The following RFTN1 variants were observed in gnomAD, a reference collection of about 807,000 sequenced individuals.
The protein encoded by RFTN1 is raftlin, lipid raft linker 1.
RFTN1 carries 26 observed loss-of-function variants against 46.5 expected under a neutral mutation model. That is an observed-to-expected ratio of 0.56 (90% CI 0.41 to 0.78). The LOEUF (loss-of-function observed/expected upper bound fraction) is 0.78, where lower values mean the gene tolerates loss of function less well. Ranked by LOEUF, RFTN1 falls within the 30% of genes least tolerant of loss-of-function variation. RFTN1 has a pLI of 0.00. For synonymous variants in RFTN1, 261 were observed against 284.2 expected (o/e 0.92, Z 0.82); for missense variants, 693 against 718.7 (o/e 0.96, Z 0.41).
At chr3:16,464,161 T>C (rs2076051566) in intron 2 of RFTN1, among the ~76,000 whole-genome samples, 1 of 152,220 alleles carries the variant, frequency 6.6e-6, no homozygotes. Flanking sequence ...TGTGCATTTC[T>C]GGCTCCTCAA....
intron 3 of RFTN1, chr3:16,416,291 C>T: frequency 2.3e-6 from 1 of 431,942 alleles, no homozygotes; most frequent in South Asian, 1.7e-5. Context: ...TGCACATAAA[C>T]AGAGTGGTTC....
intron 1 of RFTN1, among the ~76,000 whole-genome samples, chr3:16,511,503 T>C (rs1030163053): frequency 6.6e-6 from 1 of 152,130 alleles, no homozygotes; most frequent in African/African-American, 2.4e-5. Context: ...TGTGTATATT[T>C]AGGGGGTCAC....
rs904618279 is a variant in RFTN1 at position 16,500,673 on chromosome 3, G to T, written c.-8-6796C>A. ...ATGGTGATCTTCTGGAAAAAATTTT[G>T]GCTGAATCAAACCTTAAGTGGGATG... On this transcript the variant is annotated intron_variant, in intron 1 of 9. Coordinates refer to ENST00000334133, the MANE Select transcript of RFTN1 (RefSeq NM_015150.2). The surrounding 1 kb of genome is among the most constrained non-coding windows in gnomAD (Gnocchi z 5.9). 1.3e-5 allele frequency among the ~76,000 whole-genome samples: 2 copies of T among 152,192 alleles called. No homozygotes were observed. Among genetic ancestry groups the T allele is most frequent in the Non-Finnish European group, 2.9e-5 (2 of 68,024 alleles).
chr3:16,481,400 T>C lies in RFTN1; in HGVS notation c.145+12325A>G, dbSNP rs2076365129. Among the ~76,000 whole-genome samples, 1 of 152,210 alleles carries C rather than the reference T, an allele frequency of 6.6e-6. No individual in the cohort carries two copies. The highest frequency in any genetic ancestry group is 2.1e-4 in the South Asian group (1 of 4,830). ...TGTTTTATGGGAACCGATTTCCTTA[T>C]TACTCTTTGCATCTTCTGTTTAAAA... On this transcript the variant is annotated intron_variant, in intron 2 of 9. Transcript: ENST00000334133. This position sits in a 1 kb window ranked among gnomAD's most constrained non-coding sequence, Gnocchi z 5.1.
chr3:16,357,133 A>AAAAAC (rs2072499660), intron 7 of RFTN1, among the ~76,000 whole-genome samples: 5 of 139,478 alleles, frequency 3.6e-5, no homozygotes, highest in African/African-American at 1.5e-4. Context: ...AAAAAACAAA[A>AAAAAC]AAACAAACAA....
intron 2 of RFTN1, among the ~76,000 whole-genome samples, chr3:16,461,805 A>T (rs1175934373): frequency 1.3e-5 from 2 of 152,238 alleles, no homozygotes; most frequent in East Asian, 3.8e-4. Flanking sequence ...CACACACCTT[A>T]AACCATCAGC....
rs1226041849 is a variant in RFTN1, at chr3:16,422,182, A to G, written c.332+11669T>C. On this transcript the variant is annotated intron_variant, in intron 3 of 9. Transcript: ENST00000334133. This position sits in a 1 kb window ranked among gnomAD's most constrained non-coding sequence, Gnocchi z 4.6. ...AAATTTACCTCCAATAATAATATTG[A>G]ACATTATGTTCTTGAAAACACAAGG... Among the ~76,000 whole-genome samples, 1 of 152,254 alleles carries G rather than the reference A, an allele frequency of 6.6e-6. No individual in the cohort carries two copies. Among genetic ancestry groups the G allele is most frequent in the Non-Finnish European group, 1.5e-5 (1 of 68,048 alleles).
At chr3:16,332,832 G>A (rs77503351) in intron 7 of RFTN1, among the ~76,000 whole-genome samples, 3 of 121,414 alleles carry the variant, frequency 2.5e-5, no homozygotes, top group Non-Finnish European at 5.3e-5. Flanking sequence ...TGTGGGCATC[G>A]ATTTATCTAC....
In RFTN1 at chr3:16,384,253, C is replaced by T. The variant is rs746871614; in HGVS notation, c.442-6151G>A. Among the ~76,000 whole-genome samples the T allele has an allele frequency of 5.3e-5, 8 of 152,206 alleles. No individual in the cohort carries two copies. The highest frequency in any genetic ancestry group is 2.6e-4 in the Admixed American group (4 of 15,284). On this transcript the variant is annotated intron_variant, in intron 4 of 9. Coordinates refer to ENST00000334133, the MANE Select transcript of RFTN1 (RefSeq NM_015150.2). This position sits in a 1 kb window ranked among gnomAD's most constrained non-coding sequence, Gnocchi z 4.7. ...TGCAGATGTCAGACTTGTTGGCCCC[C>T]ACTATCACATGAGCCAGTTCCTTAA...
rs780296139 is a variant in RFTN1 at position 16,337,529 on chromosome 3, G to C, written c.1147-10653C>G. ...GAGGCAGAGGTGGGTGGATCATGAG[G>C]TCAGGAGATCGAGACCACCCTGGCC... is the stretch of plus-strand genomic sequence containing the variant. On this transcript the variant is annotated intron_variant, in intron 7 of 9. Coordinates refer to ENST00000334133, the MANE Select transcript of RFTN1 (RefSeq NM_015150.2). This position sits in a 1 kb window ranked among gnomAD's most constrained non-coding sequence, Gnocchi z 5.0. Among the ~76,000 whole-genome samples, 6 of 152,034 alleles carry C rather than the reference G, an allele frequency of 3.9e-5. No individual in the cohort carries two copies. Among genetic ancestry groups the C allele is most frequent in the Non-Finnish European group, 7.4e-5 (5 of 68,020 alleles).
chr3:16,418,088 T>C lies in RFTN1; in HGVS notation c.333-8605A>G, dbSNP rs557678682. Reference sequence around the variant, plus strand: ...CCTTTCCTAAGACATTAAAATAGCATTGTTGTAACAAGTACTGCTAACACT... The same window carrying C: ...CCTTTCCTAAGACATTAAAATAGCACTGTTGTAACAAGTACTGCTAACACT... On this transcript the variant is annotated intron_variant, in intron 3 of 9. Coordinates refer to ENST00000334133, the MANE Select transcript of RFTN1 (RefSeq NM_015150.2). This position sits in a 1 kb window ranked among gnomAD's most constrained non-coding sequence, Gnocchi z 5.0. Among the ~76,000 whole-genome samples the C allele has an allele frequency of 2.4e-4, 36 of 152,298 alleles. No individual in the cohort carries two copies. The highest frequency in any genetic ancestry group is 8.4e-4 in the African/African-American group (35 of 41,554).
rs190468004 is a variant in RFTN1 at position 16,378,819 on chromosome 3, A to G, written c.442-717T>C. ...GGTCCACACCATCAGCAGCGAGGTG[A>G]TGGTTCCTTCTCACTCCCTGTACCA... On this transcript the variant is annotated intron_variant, in intron 4 of 9. Coordinates refer to ENST00000334133, the MANE Select transcript of RFTN1 (RefSeq NM_015150.2). Among the ~76,000 whole-genome samples the G allele has an allele frequency of 2.2e-3, 338 of 152,250 alleles. 1 individual carries two copies. Among genetic ancestry groups the G allele is most frequent in the Non-Finnish European group, 3.5e-3 (235 of 68,018 alleles).
chr3:16,365,552 CCATA>C (rs2073108794), intron 6 of RFTN1, among the ~76,000 whole-genome samples: 2 of 137,334 alleles, frequency 1.5e-5, no homozygotes, highest in African/African-American at 2.7e-5. Context: ...GTATAAATAC[CCATA>C]CAAAGTGATA....
intron 4 of RFTN1, among the ~76,000 whole-genome samples, chr3:16,408,204 G>A (rs4298032): frequency 0.54 from 81,378 of 151,578 alleles, 21,918 homozygotes; most frequent in South Asian, 0.58. Context: ...AGGGCTTCCC[G>A]ACCTGTCCGA....
At chr3:16,414,281 T>G in intron 3 of RFTN1, among the ~76,000 whole-genome samples, 1 of 137,064 alleles carries the variant, frequency 7.3e-6, no homozygotes, top group Admixed American at 7.5e-5. Flanking sequence ...GTATGCCCAA[T>G]GGTGGGAAGT....
At position 16,338,734 on chromosome 3, in the gene RFTN1, T is replaced by C. The variant is rs2071094129; in HGVS notation, c.1147-11858A>G. On this transcript the variant is annotated intron_variant, in intron 7 of 9. Transcript: ENST00000334133. This position sits in a 1 kb window ranked among gnomAD's most constrained non-coding sequence, Gnocchi z 5.3. ...AATGAGGGATCCTATATCATATCTT[T>C]AGCCCTTCTTTCTGATTTTTCACCT... 6.6e-6 allele frequency among the ~76,000 whole-genome samples: 1 copy of C among 152,250 alleles called. No individual in the cohort carries two copies. The highest frequency in any genetic ancestry group is 2.4e-5 in the African/African-American group (1 of 41,456).
At chr3:16,403,825 TTATA>T (rs1319674798) in intron 4 of RFTN1, among the ~76,000 whole-genome samples, 179 of 5,236 alleles carry the variant, frequency 0.034, 31 homozygotes, top group African/African-American at 0.22. Flanking sequence ...TATATTATAT[TTATA>T]TATAAATATA....
In RFTN1 at chr3:16,385,645, C is replaced by G. The variant is rs566139601; in HGVS notation, c.442-7543G>C. On this transcript the variant is annotated intron_variant, in intron 4 of 9. Transcript: ENST00000334133. This position sits in a 1 kb window ranked among gnomAD's most constrained non-coding sequence, Gnocchi z 5.0. ...CTTACTGAATACCAATTGGAATCAC[C>G]AAGCAACCCCCAGCCATTCCATTGC... is the stretch of plus-strand genomic sequence containing the variant. Among the ~76,000 whole-genome samples, 30 of 152,132 alleles carry G rather than the reference C, an allele frequency of 2.0e-4. No individual in the cohort carries two copies. Among genetic ancestry groups the G allele is most frequent in the Non-Finnish European group, 2.1e-4 (14 of 68,036 alleles).
Position 16,437,813 on chromosome 3 carries a change from T to C in RFTN1, c.146-3776A>G, listed in dbSNP as rs1222619460. On this transcript the variant is annotated intron_variant, in intron 2 of 9. Transcript: ENST00000334133. Reference sequence around the variant, plus strand: ...CCTAATCCTGGCCCAGCCCAAGATCTCCTTTTGTCCTCTTGTCCCAGAGCC... The same window carrying C: ...CCTAATCCTGGCCCAGCCCAAGATCCCCTTTTGTCCTCTTGTCCCAGAGCC... Among the ~76,000 whole-genome samples the C allele has an allele frequency of 2.0e-5, 3 of 152,150 alleles. No homozygotes were observed. In the East Asian group the frequency reaches 5.8e-4, roughly 29 times the overall value.
Sources: allele counts gnomAD v4.1 joint callset (sites outside exome capture counted in the v4.1 genomes callset), GRCh38; gene constraint gnomAD v4.1.1; non-coding constraint Gnocchi (gnomAD v3.1); transcripts MANE v1.5; gene names NCBI Gene and HGNC (gene_info 2026-07-23, HGNC 2026-07-21).